SLC19A2: variants seen among roughly 807,000 people sequenced by gnomAD.
The protein encoded by SLC19A2 is solute carrier family 19 member 2.
SLC19A2 carries 27 observed loss-of-function variants against 44.7 expected under a neutral mutation model. The ratio of observed to expected loss-of-function variants is 0.60; its 90% CI spans 0.45 to 0.83. The LOEUF is 0.83. SLC19A2 is among the 40% of genes least tolerant of loss of function. SLC19A2 has a pLI of 0.00. For synonymous variants in SLC19A2, 239 were observed against 243.6 expected, an observed-to-expected ratio of 0.98 and a Z score of 0.18; for missense variants, 566 against 613.7, an observed-to-expected ratio of 0.92 and a Z score of 0.82.
rs1430840234 is a variant in SLC19A2, at chr1:169,485,678, C to A, written c.89G>T (p.Trp30Leu). ...GCAGAGCAGCGCGGTCGGCAAGAACCAGCATTCGCGACGGACCCGAGCGGT... is the reference window on the plus strand; with the variant it reads ...GCAGAGCAGCGCGGTCGGCAAGAACAAGCATTCGCGACGGACCCGAGCGGT... The part of the protein sequence containing the change: ...LRTARVRREC[W>L]FLPTALLCAY... Residue 30 changes from tryptophan to leucine, a missense_variant, in exon 1 of 6, where the codon TGG becomes TTG. Physicochemically the swap from Trp to Leu is moderately conservative, Grantham distance 61. Transcript: ENST00000236137. The A allele has an allele frequency of 6.5e-7, 1 of 1,550,360 alleles. No individual in the cohort carries two copies. Among genetic ancestry groups the A allele is most frequent in the Non-Finnish European group, 8.7e-7 (1 of 1,147,326 alleles).
chr1:169,471,463 CCACACA>C (rs59833853), intron 2 of SLC19A2, among the ~76,000 whole-genome samples: 11,800 of 117,688 alleles, frequency 0.1, 748 homozygotes, highest in African/African-American at 0.14. Flanking sequence ...GATCCCGTCT[CCACACA>C]CACACACACA....
chr1:169,468,850 A>C lies in SLC19A2; in HGVS notation c.1031-14T>G. The C allele has an allele frequency of 6.2e-7, 1 of 1,607,168 alleles. No homozygotes were observed. Among genetic ancestry groups the C allele is most frequent in the African/African-American group, 1.3e-5 (1 of 74,844 alleles). On this transcript the variant is annotated splice_polypyrimidine_tract_variant and intron_variant, in intron 3 of 5. Transcript: ENST00000236137. ...CAGCAACAGCACCTACAGAACAAACAAAAAAAATCCAATTATTTTGCTACA... is the reference window on the plus strand; with the variant it reads ...CAGCAACAGCACCTACAGAACAAACCAAAAAAATCCAATTATTTTGCTACA...
intron 3 of SLC19A2, among the ~76,000 whole-genome samples, chr1:169,469,605 T>C (rs1658116487): frequency 6.6e-6 from 1 of 152,180 alleles, no homozygotes; most frequent in Admixed American, 6.5e-5. Context: ...CATATTAACA[T>C]TCAACAAATA....
At chr1:169,472,535 T>C (rs550792741) in intron 2 of SLC19A2, among the ~76,000 whole-genome samples, 49 of 152,340 alleles carry the variant, frequency 3.2e-4, no homozygotes, top group African/African-American at 1.1e-3. Context: ...ATAATGTATA[T>C]ATTTATTATA....
At chr1:169,473,864 C>T (rs919915290) in intron 2 of SLC19A2, among the ~76,000 whole-genome samples, 1 of 151,190 alleles carries the variant, frequency 6.6e-6, no homozygotes, top group African/African-American at 2.4e-5. Context: ...GGATTATTCA[C>T]GTGTAATGAT....
chr1:169,481,996 C>T (rs190598986), intron 1 of SLC19A2, among the ~76,000 whole-genome samples: 3 of 152,102 alleles, frequency 2.0e-5, no homozygotes, highest in African/African-American at 4.8e-5. Flanking sequence ...GTCAGGCGTT[C>T]GAGACCAGCC....
In SLC19A2 at chr1:169,470,235, A is replaced by G. The variant is rs556687985; in HGVS notation, c.808-49T>C. 2.0e-6 allele frequency: 3 copies of G among 1,522,752 alleles called. No homozygotes were observed. In the East Asian group the frequency reaches 6.7e-5, roughly 34 times the overall value. The allele number at this position is 1,522,752 out of a possible 1,614,324, so 94.3% of individuals were successfully genotyped here. A position where few individuals can be genotyped will look rare whatever the true frequency, so the allele number is the denominator to read the frequency against. On this transcript the variant is annotated intron_variant, in intron 2 of 5. Coordinates refer to ENST00000236137, the MANE Select transcript of SLC19A2 (RefSeq NM_006996.3). ...CTCAAACTCTGATGAAGGCAATTAT[A>G]TAGAAAGCAATTTACAGGCCCAATT... is the stretch of plus-strand genomic sequence containing the variant.
intron 1 of SLC19A2, 24 bp downstream of exon 1, chr1:169,485,539 G>A (rs1227082741): frequency 3.2e-6 from 5 of 1,567,274 alleles, no homozygotes; most frequent in Non-Finnish European, 3.5e-6. Context: ...CGCCCTTCCC[G>A]CGCCCCGCGT....
At chr1:169,474,658 T>C (rs1330820225) in intron 2 of SLC19A2, among the ~76,000 whole-genome samples, 1 of 152,190 alleles carries the variant, frequency 6.6e-6, no homozygotes, top group Non-Finnish European at 1.5e-5. Context: ...CTACCTACTC[T>C]TCAATAATTA....
chr1:169,466,108 GAC>G, intron 5 of SLC19A2, 131 bp from the exon 6 acceptor site: 1 of 1,035,644 alleles, frequency 9.7e-7, no homozygotes, highest in East Asian at 2.6e-5. Flanking sequence ...AGACCCTGAA[GAC>G]ACAAAGCAGC....
chr1:169,477,493 C>A lies in SLC19A2; in HGVS notation c.469G>T (p.Val157Phe). The A allele has an allele frequency of 6.2e-7, 1 of 1,614,160 alleles. No homozygotes were observed. The highest frequency in any genetic ancestry group is 2.2e-5 in the East Asian group (1 of 44,890). The change falls in exon 2 of 6, where the codon GTC (valine) becomes TTC (phenylalanine). Residue 157 changes from valine (V) to phenylalanine (F), a missense_variant. Physicochemically the swap from Val to Phe is conservative, Grantham distance 50. Transcript: ENST00000236137. ...SVVDLGMYQK[V>F]TSYCRSATLV... Reference sequence around the variant, plus strand: ...GTGGCACTTCGACAGTAACTTGTGACTTTCTGGTACATGCCCAGGTCCACC... The same window carrying A: ...GTGGCACTTCGACAGTAACTTGTGAATTTCTGGTACATGCCCAGGTCCACC...
At position 169,485,653 on chromosome 1, in the gene SLC19A2, G is replaced by A. The variant is rs1187119462; in HGVS notation, c.114C>T (p.Cys38=). ...ECWFLPTALL[C]AYGFFASLRP... Reference sequence around the variant, plus strand: ...TGAGGCTGGCGAAGAAGCCGTAGGCGCAGAGCAGCGCGGTCGGCAAGAACC... The same window carrying A: ...TGAGGCTGGCGAAGAAGCCGTAGGCACAGAGCAGCGCGGTCGGCAAGAACC... The change falls in exon 1 of 6, where the codon TGC becomes TGT. Residue 38 remains cysteine, a synonymous_variant. Coordinates refer to ENST00000236137, the MANE Select transcript of SLC19A2 (RefSeq NM_006996.3). 5 of 1,555,672 alleles carry A rather than the reference G, an allele frequency of 3.2e-6. No homozygotes were observed. In the East Asian group the frequency reaches 1.2e-4, roughly 38 times the overall value.
intron 1 of SLC19A2, among the ~76,000 whole-genome samples, chr1:169,484,880 A>T (rs1296380244): frequency 6.6e-6 from 1 of 152,218 alleles, no homozygotes; most frequent in Non-Finnish European, 1.5e-5. Context: ...TCTGTGAAGC[A>T]ACAATTCGCA....
chr1:169,478,796 G>A (rs1164701679), intron 1 of SLC19A2, among the ~76,000 whole-genome samples: 1 of 151,930 alleles, frequency 6.6e-6, no homozygotes, highest in Admixed American at 6.6e-5. Flanking sequence ...CAAGCGTTGT[G>A]GCACATGCCT....
At chr1:169,477,894 C>G (rs1658362164) in intron 1 of SLC19A2, 137 bp from the exon 2 acceptor site, 3 of 897,526 alleles carry the variant, frequency 3.3e-6, no homozygotes, top group Non-Finnish European at 5.1e-6. Context: ...GTTCAGATAA[C>G]TTTGAAAATG....
At chr1:169,469,773 T>C (rs1658121299) in intron 3 of SLC19A2, among the ~76,000 whole-genome samples, 191 bp downstream of exon 3, 1 of 152,198 alleles carries the variant, frequency 6.6e-6, no homozygotes, top group South Asian at 2.1e-4. Flanking sequence ...AAATTCCAGT[T>C]TGTTAGTCAT....
At chr1:169,469,941 C>T (rs1309509932) in intron 3 of SLC19A2, 23 bp downstream of exon 3, 6 of 1,605,716 alleles carry the variant, frequency 3.7e-6, no homozygotes, top group Non-Finnish European at 5.1e-6. Flanking sequence ...CACCACGACC[C>T]TCTATTATCC....
intron 1 of SLC19A2, among the ~76,000 whole-genome samples, chr1:169,478,345 T>C (rs1658374659): frequency 6.6e-6 from 1 of 151,806 alleles, no homozygotes; most frequent in Non-Finnish European, 1.5e-5. Context: ...CCCTTTTTTT[T>C]TTTTTGGTTT....
rs150049339 is a variant in SLC19A2 at position 169,468,774 on chromosome 1, T to A, written c.1093A>T (p.Thr365Ser). ...ATCAGGAGAGAAAAGAGAGATAATG[T>A]CATTTCTCCCCAAGTTGACCAGGAT... ...KISWSTWGEM[T>S]LSLFSLLIAA... is the part of the protein sequence containing the mutation. Residue 365 changes from threonine (T) to serine (S), a missense_variant, in exon 4 of 6, where the codon ACA becomes TCA. Coordinates refer to ENST00000236137, the MANE Select transcript of SLC19A2 (RefSeq NM_006996.3). The A allele has an allele frequency of 5.6e-4, 899 of 1,613,926 alleles. 16 individuals carry two copies. In the Admixed American group the frequency reaches 0.014, roughly 25 times the overall value.
Sources: allele counts gnomAD v4.1 joint callset (sites outside exome capture counted in the v4.1 genomes callset), GRCh38; gene constraint gnomAD v4.1.1; transcripts MANE v1.5; gene names NCBI Gene and HGNC (gene_info 2026-07-23, HGNC 2026-07-21).